Variants in ITGA8 observed in about 807,000 individuals in gnomAD.
The protein encoded by ITGA8 is integrin subunit alpha 8.
In ITGA8, 91 loss-of-function variants were observed where a neutral mutation model predicts 142.3. The observed-to-expected ratio is 0.64, with a 90% CI of 0.54 to 0.76. ITGA8 has a LOEUF of 0.76. Among genes scored for constraint, ITGA8 ranks in the 30% least tolerant of loss-of-function variants. ITGA8 has a pLI of 0.00. For synonymous variants in ITGA8, 505 were observed against 485.2 expected, an observed-to-expected ratio of 1.04 and a Z score of -0.54; for missense variants, 1,406 against 1,327.7, an observed-to-expected ratio of 1.06 and a Z score of -0.92.
intron 23 of ITGA8, among the ~76,000 whole-genome samples, chr10:15,582,288 A>G (rs1280931421): frequency 6.6e-6 from 1 of 152,180 alleles, no homozygotes; most frequent in African/African-American, 2.4e-5. Context: ...ACCTCACACC[A>G]GATACAATTA....
chr10:15,667,053 C>T (rs1220266523), intron 8 of ITGA8, among the ~76,000 whole-genome samples: 6 of 152,152 alleles, frequency 3.9e-5, no homozygotes, highest in Non-Finnish European at 7.3e-5. Flanking sequence ...AGGGAGGATT[C>T]CCTCTTTTTC....
intron 2 of ITGA8, among the ~76,000 whole-genome samples, chr10:15,699,422 G>T (rs1256977398): frequency 6.6e-6 from 1 of 152,208 alleles, no homozygotes; most frequent in Non-Finnish European, 1.5e-5. Context: ...TAGATACATA[G>T]ATATATAGAA....
chr10:15,582,559 A>G lies in ITGA8; in HGVS notation c.2372+4025T>C, dbSNP rs1323381591. Reference sequence around the variant, plus strand: ...GTAAATGGCTTTGTATACAGAATTTATAAAGAACTTCTACAACTCGATAAT... The same window carrying G: ...GTAAATGGCTTTGTATACAGAATTTGTAAAGAACTTCTACAACTCGATAAT... On this transcript the variant is annotated intron_variant, in intron 23 of 29. Transcript: ENST00000378076. Among the ~76,000 whole-genome samples the G allele has an allele frequency of 2.6e-5, 4 of 152,252 alleles. No individual in the cohort carries two copies. In the East Asian group the frequency reaches 7.7e-4, roughly 29 times the overall value.
At chr10:15,600,906 T>C (rs1833093230) in intron 20 of ITGA8, among the ~76,000 whole-genome samples, 1 of 152,114 alleles carries the variant, frequency 6.6e-6, no homozygotes, top group African/African-American at 2.4e-5. Flanking sequence ...ACTTTAGGTA[T>C]TAGAAGCCAG....
At chr10:15,588,109 G>A (rs190478225) in intron 22 of ITGA8, among the ~76,000 whole-genome samples, 1 of 152,254 alleles carries the variant, frequency 6.6e-6, no homozygotes, top group Non-Finnish European at 1.5e-5. Flanking sequence ...CGATGGACAA[G>A]CTCTAGCACC....
Position 15,515,115 on chromosome 10 carries a change from G to A in ITGA8, c.*2043C>T, listed in dbSNP as rs1832940985. 2 of 152,160 alleles carry A rather than the reference G, an allele frequency of 1.3e-5. No individual in the cohort carries two copies. The highest frequency in any genetic ancestry group is 2.9e-5 in the Non-Finnish European group (2 of 68,100). 9.4% of individuals were successfully genotyped at this position (152,160 alleles called of 1,614,324 possible). A position where few individuals can be genotyped will look rare whatever the true frequency, so the allele number is the denominator to read the frequency against. The stretch of plus-strand genomic sequence containing the variant: ...GATCAGCCAGGATCACCAGATTCAG[G>A]GCATTACCTGGGGTCAGAGAGAGCT... On this transcript the variant is annotated 3_prime_UTR_variant, in exon 30 of 30. Coordinates refer to ENST00000378076, the MANE Select transcript of ITGA8 (RefSeq NM_003638.3).
chr10:15,561,651 G>C (rs929501398), intron 25 of ITGA8, among the ~76,000 whole-genome samples: 1 of 152,076 alleles, frequency 6.6e-6, no homozygotes, highest in Non-Finnish European at 1.5e-5. Context: ...TTGAAGATAC[G>C]GGAAATGGAG....
At chr10:15,540,516 G>A (rs547167487) in intron 27 of ITGA8, among the ~76,000 whole-genome samples, 2 of 152,298 alleles carry the variant, frequency 1.3e-5, no homozygotes, top group Admixed American at 6.5e-5. Flanking sequence ...GTAAGAAAAT[G>A]AGATGCTCGC....
chr10:15,640,075 G>T (rs1246730932), intron 13 of ITGA8, among the ~76,000 whole-genome samples: 2 of 152,186 alleles, frequency 1.3e-5, no homozygotes, highest in Admixed American at 6.5e-5. Context: ...AGAGTCCGGG[G>T]GTAGAGGGCT....
At chr10:15,671,724 A>C in intron 7 of ITGA8, 77 bp from the exon 8 acceptor site, 1 of 1,114,802 alleles carries the variant, frequency 9.0e-7, no homozygotes, top group South Asian at 1.3e-5. Context: ...AAAAGGTGAA[A>C]GGGCTACCAT....
chr10:15,571,838 C>T (rs145023019), intron 25 of ITGA8, among the ~76,000 whole-genome samples: 8 of 152,158 alleles, frequency 5.3e-5, no homozygotes, highest in Non-Finnish European at 1.0e-4. Flanking sequence ...AAGATCCTTA[C>T]GAAATTTGGC....
intron 21 of ITGA8, 127 bp from the exon 22 acceptor site, chr10:15,592,431 G>T: frequency 1.5e-6 from 1 of 686,422 alleles, no homozygotes; most frequent in South Asian, 2.0e-5. Context: ...TCTACCCCAG[G>T]TGGCTGAGAG....
chr10:15,524,726 C>T (rs138512724), intron 28 of ITGA8, among the ~76,000 whole-genome samples: 17 of 152,330 alleles, frequency 1.1e-4, no homozygotes, highest in Middle Eastern at 3.4e-3. Context: ...ATCACTTTTA[C>T]AGGACCAAAG....
In ITGA8 at chr10:15,549,201, GTTTTTTTTTTTTTTT is replaced by G. The variant is rs67683436; in HGVS notation, c.2767-648_2767-634del. 2.3e-3 allele frequency among the ~76,000 whole-genome samples: 250 copies of G among 107,308 alleles called. 6 individuals are homozygous for G. Among genetic ancestry groups the G allele is most frequent in the Non-Finnish European group, 2.3e-3 (136 of 57,928 alleles). The allele number at this position is 107,308 out of a possible 152,430, so 70.4% of individuals were successfully genotyped here. On this transcript the variant is annotated intron_variant, in intron 26 of 29. Coordinates refer to ENST00000378076, the MANE Select transcript of ITGA8 (RefSeq NM_003638.3). Reference sequence around the variant, plus strand: ...TTCTTTCTTTTTTCTTTTCTTTTCTGTTTTTTTTTTTTTTTTTTTTTTTTTTGAGACAGAGTTTTG... The same window carrying G: ...TTCTTTCTTTTTTCTTTTCTTTTCTGTTTTTTTTTTTGAGACAGAGTTTTG...
chr10:15,652,365 C>A (rs1480935476), intron 11 of ITGA8, among the ~76,000 whole-genome samples: 1 of 151,508 alleles, frequency 6.6e-6, no homozygotes, highest in Non-Finnish European at 1.5e-5. Flanking sequence ...ATCCGTGCAG[C>A]AGGGGAAGAG....
intron 6 of ITGA8, among the ~76,000 whole-genome samples, chr10:15,673,319 G>C (rs1008594933): frequency 6.6e-6 from 1 of 152,090 alleles, no homozygotes; most frequent in South Asian, 2.1e-4. Flanking sequence ...TCCTGACTTC[G>C]TGATCTGCTT....
intron 8 of ITGA8, among the ~76,000 whole-genome samples, chr10:15,667,867 C>T (rs1834426674): frequency 6.6e-6 from 1 of 152,086 alleles, no homozygotes; most frequent in Non-Finnish European, 1.5e-5. Context: ...AGTTTGATTG[C>T]ACTGTGGTCT....
Position 15,516,128 on chromosome 10 carries a change from T to G in ITGA8, c.*1030A>C, listed in dbSNP as rs1564331660. On this transcript the variant is annotated 3_prime_UTR_variant, in exon 30 of 30. Transcript: ENST00000378076. Reference sequence around the variant, plus strand: ...TAAGAAGTGTTGCTTCTTATAGATATTAAAAATAATGTTTACCCATAATGT... The same window carrying G: ...TAAGAAGTGTTGCTTCTTATAGATAGTAAAAATAATGTTTACCCATAATGT... 6.6e-6 allele frequency: 1 copy of G among 152,214 alleles called. No homozygotes were observed. The highest frequency in any genetic ancestry group is 6.5e-5 in the Admixed American group (1 of 15,280). 9.4% of individuals were successfully genotyped at this position (152,214 alleles called of 1,614,324 possible).
At chr10:15,698,481 C>T (rs1402836505) in intron 2 of ITGA8, among the ~76,000 whole-genome samples, 3 of 152,154 alleles carry the variant, frequency 2.0e-5, no homozygotes, top group African/African-American at 7.2e-5. Flanking sequence ...TTTCAGGAAT[C>T]TCTACACTGT....
Sources: gnomAD v4.1 joint callset for allele counts (sites outside exome capture counted in the v4.1 genomes callset) on GRCh38, gnomAD v4.1.1 for gene constraint, MANE v1.5 for transcripts, NCBI Gene and HGNC (gene_info 2026-07-23, HGNC 2026-07-21) for gene names.